Variants in MACROD2 observed in about 807,000 individuals in gnomAD.
MACROD2 encodes the protein mono-ADP ribosylhydrolase 2.
In MACROD2, 36 loss-of-function variants were observed where a neutral mutation model predicts 70.4. That is an observed-to-expected ratio of 0.51 (90% CI 0.39 to 0.68). The LOEUF (loss-of-function observed/expected upper bound fraction) is 0.68. Among genes scored for constraint, MACROD2 ranks in the 30% least tolerant of loss-of-function variants. The pLI, the probability that MACROD2 is intolerant of heterozygous loss-of-function variation, is 0.00. For synonymous variants in MACROD2, 172 were observed against 178.8 expected (o/e 0.96, Z 0.30); for missense variants, 496 against 538.4 (o/e 0.92, Z 0.78).
At chr20:15,174,149 T>A (rs151237262) in intron 5 of MACROD2, among the ~76,000 whole-genome samples, 9 of 152,326 alleles carry the variant, frequency 5.9e-5, no homozygotes, top group African/African-American at 2.2e-4. Flanking sequence ...ATGTAGATTA[T>A]TATATAAATG....
At chr20:14,761,243 G>A (rs1227776587) in intron 5 of MACROD2, among the ~76,000 whole-genome samples, 1 of 152,090 alleles carries the variant, frequency 6.6e-6, no homozygotes, top group Non-Finnish European at 1.5e-5. Context: ...TGAGAATGAG[G>A]TTCTTGGGAA....
At position 15,999,898 on chromosome 20, in the gene MACROD2, A is replaced by G. The variant is rs1162295450; in HGVS notation, c.1153+12740A>G. On this transcript the variant is annotated intron_variant, in intron 15 of 17. Coordinates refer to ENST00000684519, the MANE Select transcript of MACROD2 (RefSeq NM_001351661.2). Reference sequence around the variant, plus strand: ...ACCCAGGGTTAGAATGAGAGCATGCATAGCCTTTCTGGCCATGCCACGGAG... The same window carrying G: ...ACCCAGGGTTAGAATGAGAGCATGCGTAGCCTTTCTGGCCATGCCACGGAG... Among the ~76,000 whole-genome samples the G allele has an allele frequency of 2.0e-5, 3 of 152,334 alleles. No individual in the cohort carries two copies. The East Asian group carries it at 5.8e-4, about 29-fold the overall frequency.
intron 3 of MACROD2, among the ~76,000 whole-genome samples, chr20:14,103,783 A>C (rs1041865388): frequency 2.6e-5 from 4 of 152,176 alleles, no homozygotes; most frequent in African/African-American, 9.6e-5. Context: ...GCTACATGAT[A>C]TTCAATCATA....
chr20:15,740,602 A>C (rs1412081852), intron 8 of MACROD2, among the ~76,000 whole-genome samples: 1 of 152,182 alleles, frequency 6.6e-6, no homozygotes, highest in Non-Finnish European at 1.5e-5. Context: ...TCTGACCTGT[A>C]CAGTCAACTG....
intron 8 of MACROD2, among the ~76,000 whole-genome samples, chr20:15,615,425 A>G (rs1229701264): frequency 6.6e-6 from 1 of 152,192 alleles, no homozygotes; most frequent in African/African-American, 2.4e-5. Flanking sequence ...TGGTCACAAA[A>G]GGTATGTTGT....
intron 5 of MACROD2, among the ~76,000 whole-genome samples, chr20:15,228,349 T>C (rs2076928625): frequency 6.6e-6 from 1 of 152,182 alleles, no homozygotes; most frequent in Non-Finnish European, 1.5e-5. Context: ...CCCCTCTTAA[T>C]ATCGGCTGAC....
intron 4 of MACROD2, among the ~76,000 whole-genome samples, chr20:14,533,313 G>C (rs2085327890): frequency 6.6e-6 from 1 of 152,148 alleles, no homozygotes; most frequent in Non-Finnish European, 1.5e-5. Flanking sequence ...TTGTAGACAG[G>C]ATGCTGCTCA....
intron 8 of MACROD2, among the ~76,000 whole-genome samples, chr20:15,594,455 G>A (rs954856992): frequency 2.6e-5 from 4 of 152,122 alleles, no homozygotes; most frequent in African/African-American, 9.7e-5. Flanking sequence ...TCTCTTTGAT[G>A]TACACCTTGG....
chr20:15,188,275 C>A (rs1270915863), intron 5 of MACROD2, among the ~76,000 whole-genome samples: 1 of 152,136 alleles, frequency 6.6e-6, no homozygotes, highest in African/African-American at 2.4e-5. Flanking sequence ...CAGTTCAATG[C>A]TGAAAAGGAG....
At chr20:14,586,869 A>T (rs1456040610) in intron 4 of MACROD2, among the ~76,000 whole-genome samples, 1 of 152,018 alleles carries the variant, frequency 6.6e-6, no homozygotes, top group Non-Finnish European at 1.5e-5. Context: ...CTATAGCCTC[A>T]TAATATTTGG....
intron 5 of MACROD2, among the ~76,000 whole-genome samples, chr20:14,770,938 A>G (rs1329015260): frequency 6.6e-6 from 1 of 151,996 alleles, no homozygotes; most frequent in Non-Finnish European, 1.5e-5. Flanking sequence ...TTTCTGTGTC[A>G]ACTTGACTAG....
intron 9 of MACROD2, among the ~76,000 whole-genome samples, chr20:15,867,006 T>C (rs2064502820): frequency 6.6e-6 from 1 of 152,178 alleles, no homozygotes; most frequent in South Asian, 2.1e-4. Flanking sequence ...ATTTTCTGAT[T>C]ATTCTGGAGG....
At chr20:15,722,909 A>G (rs2146937378) in intron 8 of MACROD2, among the ~76,000 whole-genome samples, 1 of 152,242 alleles carries the variant, frequency 6.6e-6, no homozygotes. Flanking sequence ...AGGATGAACT[A>G]GAGATATGAT....
intron 5 of MACROD2, among the ~76,000 whole-genome samples, chr20:14,738,361 G>A (rs1312398944): frequency 6.6e-6 from 1 of 151,974 alleles, no homozygotes. Context: ...TTTGGTGATC[G>A]CCTTATACTT....
intron 4 of MACROD2, chr20:14,554,470 C>T (rs1978889116): frequency 6.6e-6 from 1 of 152,110 alleles, no homozygotes; most frequent in Non-Finnish European, 1.5e-5. Context: ...CTGACTTACT[C>T]TTTTGGAGAA....
rs1555917209 is a variant in MACROD2 at position 14,084,091 on chromosome 20, A to AC, written c.164-1528dup. Reference sequence around the variant, plus strand: ...AAAAACAAAAAACAAACAAAAAAAAACCTTCCGGGAGAGAAGCGGTTACTA... The same window carrying AC: ...AAAAACAAAAAACAAACAAAAAAAAACCCTTCCGGGAGAGAAGCGGTTACTA... On this transcript the variant is annotated intron_variant, in intron 2 of 17. Coordinates refer to ENST00000684519, the MANE Select transcript of MACROD2 (RefSeq NM_001351661.2). Among the ~76,000 whole-genome samples, 7 of 147,072 alleles carry AC rather than the reference A, an allele frequency of 4.8e-5. No homozygotes were observed. In the East Asian group the frequency reaches 1.4e-3, roughly 29 times the overall value.
At chr20:14,158,706 A>T (rs773385044) in intron 3 of MACROD2, among the ~76,000 whole-genome samples, 1 of 152,194 alleles carries the variant, frequency 6.6e-6, no homozygotes, top group Non-Finnish European at 1.5e-5. Flanking sequence ...TTTGTCAAAA[A>T]TCAGTTGGCT....
intron 7 of MACROD2, among the ~76,000 whole-genome samples, chr20:15,483,670 A>C (rs2146458945): frequency 6.6e-6 from 1 of 152,254 alleles, no homozygotes; most frequent in East Asian, 1.9e-4. Context: ...ACATCTTGAC[A>C]ATATTGAGTA....
intron 3 of MACROD2, among the ~76,000 whole-genome samples, chr20:14,188,697 C>A (rs1486715674): frequency 6.6e-6 from 1 of 151,994 alleles, no homozygotes; most frequent in Non-Finnish European, 1.5e-5. Flanking sequence ...GGCTCATTTG[C>A]CTTAAATTTT....
Sources: allele counts gnomAD v4.1 joint callset (sites outside exome capture counted in the v4.1 genomes callset), GRCh38; gene constraint gnomAD v4.1.1; transcripts MANE v1.5; gene names NCBI Gene and HGNC (gene_info 2026-07-23, HGNC 2026-07-21).